The following PDE10A variants were observed in gnomAD, a reference collection of about 807,000 sequenced individuals.
PDE10A encodes cAMP and cAMP-inhibited cGMP 3',5'-cyclic phosphodiesterase 10A.
A neutral mutation model predicts 97.7 loss-of-function variants in PDE10A; 39 were observed. That is an observed-to-expected ratio of 0.40 (90% confidence interval 0.31 to 0.52). The LOEUF (loss-of-function observed/expected upper bound fraction) is 0.52. PDE10A is among the 20% of genes least tolerant of loss of function. The probability of loss-of-function intolerance (pLI) is 0.56; values close to 1 mark genes in which losing one functional copy is unlikely to be tolerated. For synonymous variants in PDE10A, 371 were observed against 376.8 expected (o/e 0.98, Z 0.18); for missense variants, 731 against 1,047.8 (o/e 0.70, Z 4.17).
chr6:165,733,346 C>T (rs1262417017), intron 1 of PDE10A, among the ~76,000 whole-genome samples: 1 of 152,166 alleles, frequency 6.6e-6, no homozygotes, highest in African/African-American at 2.4e-5. Context: ...AAGGGGGAAG[C>T]CCCTTCCTAT....
chr6:165,375,355 G>A (rs893518783), intron 18 of PDE10A, among the ~76,000 whole-genome samples: 1 of 152,154 alleles, frequency 6.6e-6, no homozygotes, highest in Non-Finnish European at 1.5e-5. Flanking sequence ...TTAGTAATCT[G>A]GATAGAAGAT....
chr6:165,623,674 T>TCTCA, intron 1 of PDE10A, among the ~76,000 whole-genome samples: 1 of 152,068 alleles, frequency 6.6e-6, no homozygotes, highest in Non-Finnish European at 1.5e-5. Flanking sequence ...CACTGTGGGG[T>TCTCA]CACCAGTGGC....
chr6:165,721,915 A>G (rs879907488), intron 1 of PDE10A, among the ~76,000 whole-genome samples: 1 of 152,232 alleles, frequency 6.6e-6, no homozygotes, highest in Non-Finnish European at 1.5e-5. Context: ...AGAACTACTT[A>G]TTACAGTCCC....
intron 1 of PDE10A, among the ~76,000 whole-genome samples, chr6:165,745,413 A>G (rs146012947): frequency 7.0e-4 from 107 of 152,346 alleles, no homozygotes; most frequent in African/African-American, 2.5e-3. Flanking sequence ...ATAAGCCCTT[A>G]AACAGCTCTG....
At chr6:165,701,834 G>GT (rs1311115081) in intron 1 of PDE10A, among the ~76,000 whole-genome samples, 2 of 152,090 alleles carry the variant, frequency 1.3e-5, no homozygotes, top group African/African-American at 4.8e-5. Flanking sequence ...TGGTGAGTGT[G>GT]TCTGGAGTGG....
chr6:165,446,436 T>G (rs1790853507), intron 5 of PDE10A, among the ~76,000 whole-genome samples: 1 of 152,182 alleles, frequency 6.6e-6, no homozygotes, highest in Non-Finnish European at 1.5e-5. Flanking sequence ...GTCTTCTTCC[T>G]ACCCACAGAA....
At chr6:165,530,874 T>C (rs1338167825) in intron 2 of PDE10A, among the ~76,000 whole-genome samples, 1 of 152,170 alleles carries the variant, frequency 6.6e-6, no homozygotes, top group East Asian at 1.9e-4. Flanking sequence ...CAAACAATAC[T>C]ATGAAAATTC....
chr6:165,941,061 T>C (rs1369035916), intron 1 of PDE10A, among the ~76,000 whole-genome samples: 1 of 152,158 alleles, frequency 6.6e-6, no homozygotes, highest in African/African-American at 2.4e-5. Context: ...GAGCTCAGAC[T>C]CTGAAGTCTG....
At chr6:165,814,644 A>G (rs1374912604) in intron 1 of PDE10A, among the ~76,000 whole-genome samples, 1 of 152,234 alleles carries the variant, frequency 6.6e-6, no homozygotes, top group African/African-American at 2.4e-5. Context: ...TAAAATTTGT[A>G]AGAAACCTCT....
chr6:165,601,522 G>T (rs1427678421), intron 1 of PDE10A, among the ~76,000 whole-genome samples: 6 of 152,090 alleles, frequency 3.9e-5, no homozygotes. Context: ...TGAAAGAATT[G>T]GTAGACTCCC....
rs1328617132 is a variant in PDE10A, at chr6:165,662,429, G to C, written c.383C>G (p.Ser128Cys). The C allele has an allele frequency of 1.3e-5, 2 of 150,070 alleles. No individual in the cohort carries two copies. Among genetic ancestry groups the C allele is most frequent in the African/African-American group, 4.9e-5 (2 of 40,900 alleles). The allele number at this position is 150,070 out of a possible 1,614,324, so 9.3% of individuals were successfully genotyped here. ...AAAGGCAGATGAGGAGGGGAGAAAA[G>C]AGGGAGGGGGCGGGGGGGGCGGCGG... ...FWPPPPPPPP[S>C]FLPSSSAFHL... is the part of the protein sequence containing the mutation. Residue 128 changes from serine (S) to cysteine (C), a missense_variant, in exon 1 of 22, where the codon TCT becomes TGT. By Grantham distance (112) the Ser-to-Cys change is moderately radical. Coordinates refer to ENST00000539869, the MANE Select transcript of PDE10A (RefSeq NM_001385079.1).
chr6:165,552,554 G>A (rs1022023248), intron 1 of PDE10A, among the ~76,000 whole-genome samples: 1 of 152,126 alleles, frequency 6.6e-6, no homozygotes, highest in African/African-American at 2.4e-5. Flanking sequence ...AAGAAAACTG[G>A]GAATTGAGTC....
intron 1 of PDE10A, among the ~76,000 whole-genome samples, chr6:165,705,094 C>T (rs12208309): frequency 0.21 from 31,909 of 152,182 alleles, 4,033 homozygotes; most frequent in Non-Finnish European, 0.26. Context: ...CAGCATGGCA[C>T]GCACACCCAG....
rs1298858215 is a variant in PDE10A, at chr6:165,671,198, T to A, written c.-614-127630A>T. Among the ~76,000 whole-genome samples, 1 of 152,204 alleles carries A rather than the reference T, an allele frequency of 6.6e-6. No individual in the cohort carries two copies. The highest frequency in any genetic ancestry group is 1.5e-5 in the Non-Finnish European group (1 of 68,040). On this transcript the variant is annotated intron_variant, in intron 1 of 19. Transcript: ENST00000366882. The surrounding 1 kb of genome is among the most constrained non-coding windows in gnomAD (Gnocchi z 4.6). ...TTGCTACAAATTCCCAAAGTCTACTTGTTTTTGTAAATGTCATCTGGTGAT... is the reference window on the plus strand; with the variant it reads ...TTGCTACAAATTCCCAAAGTCTACTAGTTTTTGTAAATGTCATCTGGTGAT...
In PDE10A at chr6:165,691,203, C is replaced by CACACACACA. The variant is rs1562687327; in HGVS notation, c.-614-147636_-614-147635insTGTGTGTGT. On this transcript the variant is annotated intron_variant, in intron 1 of 19. Transcript: ENST00000366882. The stretch of plus-strand genomic sequence containing the variant: ...TCTCTCTCTCCCTCTCTCTCTCTCC[C>CACACACACA]CACACACACACACACACACACACAC... Among the ~76,000 whole-genome samples, 148 of 108,648 alleles carry CACACACACA rather than the reference C, an allele frequency of 1.4e-3. 8 individuals carry two copies. The highest frequency in any genetic ancestry group is 5.9e-3 in the African/African-American group (132 of 22,222). The allele number at this position is 108,648 out of a possible 152,430, so 71.3% of individuals were successfully genotyped here.
intron 1 of PDE10A, among the ~76,000 whole-genome samples, chr6:165,918,751 C>T (rs1405793495): frequency 4.0e-5 from 6 of 151,798 alleles, no homozygotes. Context: ...TTCTCCTGCA[C>T]AGGTTTCACC....
intron 2 of PDE10A, among the ~76,000 whole-genome samples, chr6:165,523,983 C>T (rs937631500): frequency 2.0e-5 from 3 of 152,072 alleles, no homozygotes; most frequent in East Asian, 3.9e-4. Flanking sequence ...CAGCTTCCAG[C>T]GAATATAAAG....
At chr6:165,555,218 C>G (rs1329294248) in intron 1 of PDE10A, among the ~76,000 whole-genome samples, 1 of 152,072 alleles carries the variant, frequency 6.6e-6, no homozygotes, top group Non-Finnish European at 1.5e-5. Context: ...GATGGATACC[C>G]CATTCTCCAT....
chr6:165,603,817 T>C (rs1182849716), intron 1 of PDE10A, among the ~76,000 whole-genome samples: 1 of 152,230 alleles, frequency 6.6e-6, no homozygotes, highest in Non-Finnish European at 1.5e-5. Flanking sequence ...AAATTGGCAC[T>C]AACTTAAATA....
Sources: allele counts gnomAD v4.1 joint callset (sites outside exome capture counted in the v4.1 genomes callset), GRCh38; gene constraint gnomAD v4.1.1; non-coding constraint Gnocchi (gnomAD v3.1); transcripts MANE v1.5; gene names NCBI Gene and HGNC (gene_info 2026-07-23, HGNC 2026-07-21).